The following LEPROTL1 variants were observed in gnomAD, a reference collection of about 807,000 sequenced individuals.
The protein encoded by LEPROTL1 is leptin receptor overlapping transcript like 1.
Under a neutral mutation model 15.4 loss-of-function variants are expected in LEPROTL1, and 6 were observed. The observed-to-expected ratio is 0.39, with a 90% CI of 0.21 to 0.77. The LOEUF (loss-of-function observed/expected upper bound fraction) is 0.77. LEPROTL1 is among the 30% of genes least tolerant of loss of function. The pLI, the probability that LEPROTL1 is intolerant of heterozygous loss-of-function variation, is 0.41. For missense variants in LEPROTL1, 128 were observed against 158.1 expected (o/e 0.81, Z 1.02); for synonymous variants, 56 against 52.6 (o/e 1.06, Z -0.28).
At chr8:30,127,763 A>G (rs972499519) in intron 3 of LEPROTL1, among the ~76,000 whole-genome samples, 29 of 151,672 alleles carry the variant, frequency 1.9e-4, no homozygotes, top group African/African-American at 6.5e-4. Flanking sequence ...AAGCAGGGGT[A>G]ACCTGAGGGT....
chr8:30,107,053 C>A lies in LEPROTL1; in HGVS notation c.*1191C>A, dbSNP rs1482186983. 25 of 973,616 alleles carry A rather than the reference C, an allele frequency of 2.6e-5. No individual in the cohort carries two copies. Among genetic ancestry groups the A allele is most frequent in the Non-Finnish European group, 2.8e-5 (23 of 819,382 alleles). 60.3% of individuals were successfully genotyped at this position (973,616 alleles called of 1,614,324 possible). A position where few individuals can be genotyped will look rare whatever the true frequency, so the allele number is the denominator to read the frequency against. ...GATTTAGACCATGGTAATAGTAGTT[C>A]TTATTCTCTAAGGTTATATCATATG... On this transcript the variant is annotated 3_prime_UTR_variant, in exon 4 of 4. Transcript: ENST00000321250.
downstream of LEPROTL1, chr8:30,137,821 C>G (rs773693645): frequency 3.2e-6 from 1 of 309,584 alleles, no homozygotes; most frequent in Non-Finnish European, 6.1e-6. Context: ...ACAAATTAGC[C>G]GAAAGATTAG....
intron 3 of LEPROTL1, among the ~76,000 whole-genome samples, chr8:30,120,559 C>A (rs1445101131): frequency 6.6e-6 from 1 of 152,100 alleles, no homozygotes. Context: ...GAGATGGGTT[C>A]TTTCTCTGTC....
At chr8:30,114,184 C>T (rs948306086) in intron 3 of LEPROTL1, among the ~76,000 whole-genome samples, 2 of 152,148 alleles carry the variant, frequency 1.3e-5, no homozygotes, top group African/African-American at 2.4e-5. Context: ...CTTTAACACT[C>T]GTCCTGAGAC....
downstream of LEPROTL1, among the ~76,000 whole-genome samples, chr8:30,109,682 CA>C (rs1802626661): frequency 6.6e-6 from 1 of 151,772 alleles, no homozygotes; most frequent in African/African-American, 2.4e-5. Context: ...TGCTGACTTA[CA>C]GTATATTAGG....
intron 3 of LEPROTL1, among the ~76,000 whole-genome samples, chr8:30,121,137 C>T (rs11987257): frequency 0.016 from 2,471 of 152,204 alleles, 74 homozygotes; most frequent in African/African-American, 0.057. Context: ...ATCTCAGGAG[C>T]CTTGAAACTA....
chr8:30,111,755 G>A (rs555688211), downstream of LEPROTL1, among the ~76,000 whole-genome samples: 7 of 152,182 alleles, frequency 4.6e-5, no homozygotes, highest in Non-Finnish European at 8.8e-5. Flanking sequence ...GAAAGAGGTC[G>A]GGTGGGGGGT....
intron 3 of LEPROTL1, among the ~76,000 whole-genome samples, chr8:30,119,734 T>C (rs896228688): frequency 1.3e-5 from 2 of 152,194 alleles, no homozygotes; most frequent in Admixed American, 1.3e-4. Context: ...ATTAACTAGG[T>C]ATTTTTAAAA....
At chr8:30,112,410 T>TTTTTTTTTTTC (rs1802667471), downstream of LEPROTL1, among the ~76,000 whole-genome samples, 1 of 121,852 alleles carries the variant, frequency 8.2e-6, no homozygotes, top group African/African-American at 3.0e-5. Flanking sequence ...AATTTTTTTT[T>TTTTTTTTTTTC]TTTTTTTTTT....
At chr8:30,100,482 C>T (rs1802447772) in intron 1 of LEPROTL1, among the ~76,000 whole-genome samples, 1 of 152,144 alleles carries the variant, frequency 6.6e-6, no homozygotes, top group South Asian at 2.1e-4. Flanking sequence ...TGGAGTCTTG[C>T]TCTGTCGCAC....
At chr8:30,137,117 C>T (rs1157541074) in intron 4 of LEPROTL1, among the ~76,000 whole-genome samples, 2 of 152,148 alleles carry the variant, frequency 1.3e-5, no homozygotes, top group East Asian at 1.9e-4. Flanking sequence ...CCTCTGTGCT[C>T]CAAGTGACCC....
intron 4 of LEPROTL1, chr8:30,132,741 G>C (rs1342083192): frequency 1.3e-6 from 2 of 1,551,736 alleles, no homozygotes; most frequent in Admixed American, 2.0e-5. Context: ...CAGGGAAAAA[G>C]AGCAAGTAGC....
chr8:30,099,620 A>G (rs908387478), intron 1 of LEPROTL1, among the ~76,000 whole-genome samples: 6 of 151,590 alleles, frequency 4.0e-5, no homozygotes, highest in Non-Finnish European at 8.8e-5. Flanking sequence ...AAAAAAAAAA[A>G]AAAAACCAGC....
At chr8:30,110,197 T>C (rs7014922), downstream of LEPROTL1, among the ~76,000 whole-genome samples, 147,085 of 152,304 alleles carry the variant, frequency 0.97, 71,225 homozygotes, top group East Asian at 1. Flanking sequence ...CCCATACACA[T>C]GGTTAGTCAC....
Position 30,105,746 on chromosome 8 carries a change from A to C in LEPROTL1, c.280A>C (p.Ile94Leu). 1 of 1,596,350 alleles carries C rather than the reference A, an allele frequency of 6.3e-7. No individual in the cohort carries two copies. The highest frequency in any genetic ancestry group is 8.5e-7 in the Non-Finnish European group (1 of 1,171,114). Residue 94 changes from isoleucine (I) to leucine (L), a missense_variant and splice_region_variant, in exon 4 of 4, where the codon ATT becomes CTT. Physicochemically the swap from Ile to Leu is conservative, Grantham distance 5. Transcript: ENST00000321250. ...LPIVFARAHL[I>L]EWGACALVLT... The stretch of plus-strand genomic sequence containing the variant: ...GACTGAGTGTATCTTATTTCCATAG[A>C]TTGAGTGGGGAGCTTGTGCACTTGT...
intron 3 of LEPROTL1, among the ~76,000 whole-genome samples, chr8:30,129,748 CACACACACAA>C (rs1046372568): frequency 1.5e-4 from 23 of 150,568 alleles, no homozygotes; most frequent in East Asian, 5.9e-4. Flanking sequence ...CACACACACA[CACACACACAA>C]AGAACTACCT....
intron 3 of LEPROTL1, among the ~76,000 whole-genome samples, chr8:30,116,298 C>A (rs73576705): frequency 0.023 from 3,566 of 152,056 alleles, 138 homozygotes; most frequent in African/African-American, 0.081. Context: ...AACATCTTTG[C>A]AGTTTGTTAG....
At chr8:30,111,777 G>C (rs1585469189), downstream of LEPROTL1, among the ~76,000 whole-genome samples, 1 of 152,174 alleles carries the variant, frequency 6.6e-6, no homozygotes, top group Non-Finnish European at 1.5e-5. Context: ...GTTTTCTGTT[G>C]CTCTGGTGGG....
intron 3 of LEPROTL1, among the ~76,000 whole-genome samples, chr8:30,124,147 T>C (rs548501709): frequency 2.0e-5 from 3 of 152,084 alleles, no homozygotes; most frequent in Non-Finnish European, 4.4e-5. Flanking sequence ...GTAATATTCA[T>C]CACACAGACC....
Sources: allele counts gnomAD v4.1 joint callset (sites outside exome capture counted in the v4.1 genomes callset), GRCh38; gene constraint gnomAD v4.1.1; transcripts MANE v1.5; gene names NCBI Gene and HGNC (gene_info 2026-07-23, HGNC 2026-07-21).